PRMT3: variants seen among roughly 807,000 people sequenced by gnomAD.
PRMT3 encodes the protein protein arginine N-methyltransferase 3.
Under a neutral mutation model 71.9 loss-of-function variants are expected in PRMT3, and 62 were observed. The observed-to-expected ratio is 0.86, with a 90% CI of 0.70 to 1.07. The LOEUF (loss-of-function observed/expected upper bound fraction) is 1.07, where lower values mean the gene tolerates loss of function less well. Among genes scored for constraint, PRMT3 ranks in the 50% least tolerant of loss-of-function variants. PRMT3 has a pLI of 0.00. For missense variants in PRMT3, 663 were observed against 643.0 expected (o/e 1.03, Z -0.34); for synonymous variants, 213 against 220.4 (o/e 0.97, Z 0.30).
chr11:20,402,884 C>T lies in PRMT3; in HGVS notation c.706-35C>T, dbSNP rs186417214. 60 of 1,523,562 alleles carry T rather than the reference C, an allele frequency of 3.9e-5. No homozygotes were observed. In the African/African-American group the frequency reaches 6.6e-4, roughly 17 times the overall value. 94.4% of individuals were successfully genotyped at this position (1,523,562 alleles called of 1,614,324 possible). On this transcript the variant is annotated intron_variant, in intron 7 of 15. Coordinates refer to ENST00000331079, the MANE Select transcript of PRMT3 (RefSeq NM_005788.4). ...TAAAAAATTTATTTGTTTAGACTGT[C>T]CTATAAACACAGCGTTTTCCTCTCT...
intron 13 of PRMT3, among the ~76,000 whole-genome samples, chr11:20,480,370 A>G (rs1199139872): frequency 6.6e-6 from 1 of 152,128 alleles, no homozygotes; most frequent in African/African-American, 2.4e-5. Context: ...TTTTGCTTGT[A>G]TATAGTACTT....
chr11:20,470,986 A>G (rs1456570118), intron 13 of PRMT3, among the ~76,000 whole-genome samples: 1 of 152,158 alleles, frequency 6.6e-6, no homozygotes, highest in African/African-American at 2.4e-5. Context: ...TCTAATGATC[A>G]GTAATGTTGA....
intron 10 of PRMT3, among the ~76,000 whole-genome samples, chr11:20,443,059 T>C (rs1372015832): frequency 6.6e-6 from 1 of 152,212 alleles, no homozygotes; most frequent in Non-Finnish European, 1.5e-5. Flanking sequence ...CTCAATGCTG[T>C]GTACCATTTG....
At chr11:20,430,319 G>T (rs924760200) in intron 10 of PRMT3, among the ~76,000 whole-genome samples, 31 of 152,152 alleles carry the variant, frequency 2.0e-4, no homozygotes, top group African/African-American at 7.0e-4. Flanking sequence ...CGGTATAGCA[G>T]TGTAGAAATC....
At chr11:20,396,945 C>A (rs918203371) in intron 6 of PRMT3, among the ~76,000 whole-genome samples, 3 of 152,120 alleles carry the variant, frequency 2.0e-5, no homozygotes, top group Non-Finnish European at 4.4e-5. Context: ...AATGAATGTC[C>A]AGCAGGAAAG....
chr11:20,458,120 T>A (rs1251296178), intron 11 of PRMT3, among the ~76,000 whole-genome samples: 1 of 152,198 alleles, frequency 6.6e-6, no homozygotes, highest in East Asian at 1.9e-4. Context: ...CTTTTATGCA[T>A]ATCAAGCATT....
intron 10 of PRMT3, among the ~76,000 whole-genome samples, chr11:20,445,508 T>G (rs1850005908): frequency 6.6e-6 from 1 of 152,130 alleles, no homozygotes; most frequent in Non-Finnish European, 1.5e-5. Context: ...TATATGCTAG[T>G]TATATAAATC....
intron 13 of PRMT3, among the ~76,000 whole-genome samples, chr11:20,479,984 T>A (rs1449602896): frequency 6.6e-6 from 1 of 152,102 alleles, no homozygotes. Flanking sequence ...AGAGATGAGC[T>A]TGGCAATATA....
At position 20,392,876 on chromosome 11, in the gene PRMT3, T is replaced by C. The variant is rs142579521; in HGVS notation, c.298-21T>C. 384 of 1,422,470 alleles carry C rather than the reference T, an allele frequency of 2.7e-4. No individual in the cohort carries two copies. The African/African-American group carries it at 4.7e-3, about 17-fold the overall frequency. 88.1% of individuals were successfully genotyped at this position (1,422,470 alleles called of 1,614,324 possible). A position where few individuals can be genotyped will look rare whatever the true frequency, so the allele number is the denominator to read the frequency against. On this transcript the variant is annotated intron_variant, in intron 4 of 15. Transcript: ENST00000331079. ...GTGATTATATGTAATGAAAAAAACA[T>C]GAGATTAATTTTATATCCAGAATCC...
chr11:20,423,747 T>G (rs1849476420), intron 9 of PRMT3, among the ~76,000 whole-genome samples: 1 of 151,780 alleles, frequency 6.6e-6, no homozygotes. Flanking sequence ...TTGGATTACT[T>G]CTGTCTGTGG....
chr11:20,407,752 G>A (rs1343807650), intron 8 of PRMT3, 159 bp from the exon 9 acceptor site: 6 of 574,384 alleles, frequency 1.0e-5, no homozygotes, highest in Non-Finnish European at 1.7e-5. Flanking sequence ...ACTTTGGGAG[G>A]CCAAAGGATT....
chr11:20,449,613 A>G (rs1850104847), intron 10 of PRMT3, among the ~76,000 whole-genome samples: 2 of 152,170 alleles, frequency 1.3e-5, no homozygotes. Context: ...GCTTTGGGGA[A>G]GAATTAAATG....
chr11:20,452,183 C>CAAAT lies in PRMT3; in HGVS notation c.1049_1052dup (p.Tyr351Ter). The stretch of plus-strand genomic sequence containing the variant: ...TAGATTCTGTCCTTTATGCAAAGAA[C>CAAAT]AAATACTTGGCAAAAGGAGGCTCGG... On this transcript the variant is annotated frameshift_variant, in exon 11 of 16. Coordinates refer to ENST00000331079, the MANE Select transcript of PRMT3 (RefSeq NM_005788.4). LOFTEE classifies it high-confidence loss of function. 6.2e-7 allele frequency: 1 copy of CAAAT among 1,610,004 alleles called. No individual in the cohort carries two copies. Among genetic ancestry groups the CAAAT allele is most frequent in the Non-Finnish European group, 8.5e-7 (1 of 1,176,802 alleles).
intron 12 of PRMT3, among the ~76,000 whole-genome samples, chr11:20,462,820 C>G (rs886171793): frequency 6.6e-6 from 1 of 151,008 alleles, no homozygotes; most frequent in Non-Finnish European, 1.5e-5. Flanking sequence ...ACTAGATAAT[C>G]AAATCTAGAG....
chr11:20,504,682 T>G (rs1851536528), intron 15 of PRMT3, among the ~76,000 whole-genome samples: 1 of 141,204 alleles, frequency 7.1e-6, no homozygotes, highest in African/African-American at 2.8e-5. Context: ...TTATCTCAAG[T>G]ATTGTATGTG....
chr11:20,488,117 G>C (rs1190380949), intron 13 of PRMT3, among the ~76,000 whole-genome samples: 4 of 152,114 alleles, frequency 2.6e-5, no homozygotes, highest in Non-Finnish European at 5.9e-5. Flanking sequence ...AAAAGGTGCA[G>C]ATTTTCTCTT....
chr11:20,417,378 C>A (rs1040768232), intron 9 of PRMT3, among the ~76,000 whole-genome samples: 2 of 152,070 alleles, frequency 1.3e-5, no homozygotes, highest in African/African-American at 2.4e-5. Flanking sequence ...TTCTTCTCCC[C>A]CATAAGCTAT....
In PRMT3 at chr11:20,393,000, G is replaced by T. The variant is rs1215303481; in HGVS notation, c.400+1G>T. On this transcript the variant is annotated splice_donor_variant, in intron 5 of 15. Transcript: ENST00000331079. LOFTEE classifies it high-confidence loss of function. The stretch of plus-strand genomic sequence containing the variant: ...GAAGATGACCTTTTACTTCAATTTG[G>T]TAAGATGAACATAAGTGTATCTCCT... 6.4e-7 allele frequency: 1 copy of T among 1,561,504 alleles called. No individual in the cohort carries two copies. The highest frequency in any genetic ancestry group is 2.2e-5 in the East Asian group (1 of 44,568).
chr11:20,453,705 C>T (rs534194302), intron 11 of PRMT3, among the ~76,000 whole-genome samples: 17 of 152,036 alleles, frequency 1.1e-4, no homozygotes, highest in Non-Finnish European at 1.2e-4. Flanking sequence ...CAATTGGCTG[C>T]AACTTTCTAT....
Sources: gnomAD v4.1 joint callset for allele counts (sites outside exome capture counted in the v4.1 genomes callset) on GRCh38, gnomAD v4.1.1 for gene constraint, MANE v1.5 for transcripts, NCBI Gene and HGNC (gene_info 2026-07-23, HGNC 2026-07-21) for gene names.